Variants in TLR7 observed in about 807,000 individuals in gnomAD.
TLR7 encodes toll-like receptor 7.
In TLR7, 12 loss-of-function variants were observed where a neutral mutation model predicts 38.3. That is an observed-to-expected ratio of 0.31 (90% CI 0.20 to 0.51). The LOEUF (loss-of-function observed/expected upper bound fraction) is 0.51, where lower values mean the gene tolerates loss of function less well. Among genes scored for constraint, TLR7 ranks in the 20% least tolerant of loss-of-function variants. The probability of loss-of-function intolerance (pLI) is 0.98; values close to 1 mark genes in which losing one functional copy is unlikely to be tolerated. For synonymous variants in TLR7, 285 were observed against 293.8 expected (o/e 0.97, Z 0.31); for missense variants, 504 against 743.4 (o/e 0.68, Z 3.74).
At chrX:12,870,327 T>C (rs762582800) in intron 2 of TLR7, among the ~76,000 whole-genome samples, 1 of 111,938 alleles carries the variant, frequency 8.9e-6, no homozygotes, top group South Asian at 3.7e-4. Context: ...GAAATTACTA[T>C]TAGAAGGGAC....
At chrX:12,870,468 T>C (rs1305911737) in intron 2 of TLR7, among the ~76,000 whole-genome samples, 1 of 112,382 alleles carries the variant, frequency 8.9e-6, no homozygotes, top group Admixed American at 9.4e-5. Flanking sequence ...ATTAATACAA[T>C]CTGATTATTT....
Position 12,886,565 on chromosome X carries a change from C to G in TLR7, c.1057C>G (p.Leu353Val), listed in dbSNP as rs2042912566. The change falls in exon 3 of 3, where the codon CTT becomes GTT. Residue 353 changes from leucine to valine, a missense_variant. Leu to Val is a conservative substitution (Grantham distance 32, BLOSUM62 1). Coordinates refer to ENST00000380659, the MANE Select transcript of TLR7 (RefSeq NM_016562.4). ...ATTGGATCTGTCTTTCAATTTTGAA[C>G]TTCAGGTCTATCGTGCATCTATGAA... ...IQLDLSFNFE[L>V]QVYRASMNLS... is the part of the protein sequence containing the mutation. The G allele has an allele frequency of 1.7e-6, 2 of 1,211,864 alleles. No homozygotes were observed. The highest frequency in any genetic ancestry group is 2.2e-6 in the Non-Finnish European group (2 of 895,493).
chrX:12,887,443 A>T lies in TLR7; in HGVS notation c.1935A>T (p.Leu645Phe). ...AAGGTGATAACAGATACTTACAATT[A>T]TTCAAGAATCTGCTAAAATTAGAGG... is the stretch of plus-strand genomic sequence containing the variant. ...WREGDNRYLQ[L>F]FKNLLKLEEL... The change falls in exon 3 of 3, where the codon TTA becomes TTT. Residue 645 changes from leucine to phenylalanine, a missense_variant. Transcript: ENST00000380659. 8.3e-7 allele frequency: 1 copy of T among 1,209,645 alleles called. No individual in the cohort carries two copies. The highest frequency in any genetic ancestry group is 1.7e-5 in the African/African-American group (1 of 57,815).
At chrX:12,877,419 T>C (rs1329473321) in intron 2 of TLR7, 1 of 108,914 alleles carries the variant, frequency 9.2e-6, no homozygotes, top group African/African-American at 3.4e-5. Context: ...ACCTGCTTGA[T>C]CAGAGCCCAA....
chrX:12,886,974 A>C lies in TLR7; in HGVS notation c.1466A>C (p.Glu489Ala), dbSNP rs150054181. Residue 489 changes from glutamate to alanine, a missense_variant, in exon 3 of 3, where the codon GAA (glutamate) becomes GCA (alanine). Transcript: ENST00000380659. ...GAGGCTTCTTTCATGTCTGTTAATGAAAGCTGCTACAAGTATGGGCAGACC... is the reference window on the plus strand; with the variant it reads ...GAGGCTTCTTTCATGTCTGTTAATGCAAGCTGCTACAAGTATGGGCAGACC... ...NKEASFMSVN[E>A]SCYKYGQTLD... is the part of the protein sequence containing the mutation. 44 of 1,210,347 alleles carry C rather than the reference A, an allele frequency of 3.6e-5. No homozygotes were observed. The African/African-American group carries it at 7.5e-4, about 21-fold the overall frequency.
Position 12,886,787 on chromosome X carries a change from G to A in TLR7, c.1279G>A (p.Asp427Asn), listed in dbSNP as rs372359443. ...ACAATTTAAAAGACTGAAAGTCATA[G>A]ATCTTTCAGTGAATAAAATATCACC... ...FKQFKRLKVI[D>N]LSVNKISPSG... Residue 427 changes from aspartate (D) to asparagine (N), a missense_variant, in exon 3 of 3, where the codon GAT becomes AAT. Asp to Asn is a conservative substitution (Grantham distance 23). Coordinates refer to ENST00000380659, the MANE Select transcript of TLR7 (RefSeq NM_016562.4). The A allele has an allele frequency of 1.7e-6, 2 of 1,204,522 alleles. No homozygotes were observed. Among genetic ancestry groups the A allele is most frequent in the African/African-American group, 3.5e-5 (2 of 57,205 alleles).
At chrX:12,877,576 C>T (rs1221442955) in intron 2 of TLR7, 2 of 110,734 alleles carry the variant, frequency 1.8e-5, no homozygotes, top group African/African-American at 3.3e-5. Flanking sequence ...GGTCAGTGGG[C>T]TTGGGCTCAA....
chrX:12,867,656 A>G, intron 2 of TLR7, 75 bp downstream of exon 2: 1 of 1,018,463 alleles, frequency 9.8e-7, no homozygotes, highest in African/African-American at 1.9e-5. Flanking sequence ...AGCTGGCAAG[A>G]GCAATATTGA....
At chrX:12,874,137 T>C (rs893403025) in intron 2 of TLR7, among the ~76,000 whole-genome samples, 1 of 111,114 alleles carries the variant, frequency 9.0e-6, no homozygotes, top group Admixed American at 9.6e-5. Context: ...CTGGCCAACA[T>C]GGTGAAACCC....
chrX:12,873,326 CTT>C (rs2042859683), intron 2 of TLR7, among the ~76,000 whole-genome samples: 2 of 112,261 alleles, frequency 1.8e-5, no homozygotes, highest in Admixed American at 1.9e-4. Flanking sequence ...TTCAGTAACA[CTT>C]ATCACTTGAC....
At position 12,888,194 on chromosome X, in the gene TLR7, G is replaced by T. The variant is rs1198069306; in HGVS notation, c.2686G>T (p.Val896Leu). 8.3e-7 allele frequency: 1 copy of T among 1,211,668 alleles called. No individual in the cohort carries two copies. The highest frequency in any genetic ancestry group is 3.0e-5 in the East Asian group (1 of 33,861). ...SPDCCYDAFI[V>L]YDTKDPAVTE... is the part of the protein sequence containing the mutation. ...AGACTGTTGCTATGATGCTTTTATTGTGTATGACACTAAAGACCCAGCTGT... is the reference window on the plus strand; with the variant it reads ...AGACTGTTGCTATGATGCTTTTATTTTGTATGACACTAAAGACCCAGCTGT... The change falls in exon 3 of 3, where the codon GTG (valine) becomes TTG (leucine). Residue 896 changes from valine to leucine, a missense_variant. Transcript: ENST00000380659.
chrX:12,875,073 C>T (rs990670944), intron 2 of TLR7, among the ~76,000 whole-genome samples: 13 of 110,696 alleles, frequency 1.2e-4, no homozygotes, highest in Non-Finnish European at 3.8e-5. Flanking sequence ...GGGCTTCAGT[C>T]CTGCCATCAA....
At chrX:12,867,771 C>G (rs981225602) in intron 2 of TLR7, among the ~76,000 whole-genome samples, 190 bp downstream of exon 2, 1 of 112,639 alleles carries the variant, frequency 8.9e-6, no homozygotes, top group African/African-American at 3.2e-5. Context: ...TCAACGCTTG[C>G]TCTGTTCAAC....
chrX:12,876,926 A>T (rs1190701905), intron 2 of TLR7, among the ~76,000 whole-genome samples: 1 of 39,223 alleles, frequency 2.5e-5, no homozygotes, highest in Non-Finnish European at 4.5e-5. Flanking sequence ...CATTACAAAT[A>T]AAAAAAAAAA....
At chrX:12,875,519 C>T (rs1317550266) in intron 2 of TLR7, among the ~76,000 whole-genome samples, 1 of 112,109 alleles carries the variant, frequency 8.9e-6, no homozygotes, top group Non-Finnish European at 1.9e-5. Flanking sequence ...GCTGTGTCCC[C>T]ACCTAAATCT....
chrX:12,880,356 A>G (rs1214855811), intron 2 of TLR7, among the ~76,000 whole-genome samples: 1 of 112,141 alleles, frequency 8.9e-6, no homozygotes, highest in Admixed American at 9.4e-5. Flanking sequence ...AAGGAGTAGA[A>G]CCCAGTTCTT....
At position 12,887,347 on chromosome X, in the gene TLR7, C is replaced by T. The variant is rs747861198; in HGVS notation, c.1839C>T (p.Ser613=). The change falls in exon 3 of 3, where the codon AGC becomes AGT. Residue 613 remains serine, a synonymous_variant. Coordinates refer to ENST00000380659, the MANE Select transcript of TLR7 (RefSeq NM_016562.4). ...ACAATGACATCTCTTCCTCCACCAG[C>T]AGGACCATGGAGAGTGAGTCTCTTA... The part of the protein sequence containing the change: ...MNDNDISSST[S]RTMESESLRT... 9.1e-6 allele frequency: 11 copies of T among 1,211,540 alleles called. No homozygotes were observed. Among genetic ancestry groups the T allele is most frequent in the Non-Finnish European group, 1.2e-5 (11 of 895,148 alleles).
At chrX:12,883,610 A>G (rs1326935631) in intron 2 of TLR7, among the ~76,000 whole-genome samples, 2 of 111,494 alleles carry the variant, frequency 1.8e-5, no homozygotes, top group Non-Finnish European at 3.8e-5. Context: ...TGAGCCTGGG[A>G]AACAATTTCA....
intron 2 of TLR7, among the ~76,000 whole-genome samples, chrX:12,879,314 G>A (rs1336843417): frequency 8.9e-6 from 1 of 111,780 alleles, no homozygotes; most frequent in Non-Finnish European, 1.9e-5. Context: ...GATGACATCC[G>A]CATCACATAT....
Sources: gnomAD v4.1 joint callset for allele counts (sites outside exome capture counted in the v4.1 genomes callset) on GRCh38, gnomAD v4.1.1 for gene constraint, MANE v1.5 for transcripts, NCBI Gene and HGNC (gene_info 2026-07-23, HGNC 2026-07-21) for gene names.